Variants in DOCK2 observed in about 807,000 individuals in gnomAD.
DOCK2 encodes dedicator of cytokinesis 2, also known as dedicator of cytokinesis protein 2.
DOCK2 carries 87 observed loss-of-function variants against 248.9 expected under a neutral mutation model. The ratio of observed to expected loss-of-function variants is 0.35; its 90% CI spans 0.29 to 0.42. DOCK2 has a LOEUF of 0.42. DOCK2 is among the 10% of genes least tolerant of loss of function. The pLI is 1.00. For synonymous variants in DOCK2, 805 were observed against 821.6 expected (o/e 0.98, Z 0.35); for missense variants, 1,747 against 2,300.2 (o/e 0.76, Z 4.92).
chr5:169,698,340 G>T (rs754982651), intron 10 of DOCK2, 34 bp from the exon 11 acceptor site: 1 of 1,606,468 alleles, frequency 6.2e-7, no homozygotes, highest in South Asian at 1.1e-5. Flanking sequence ...ACAGGAAGAA[G>T]TTAAACCATT....
intron 27 of DOCK2, chr5:169,864,327 C>G: frequency 6.4e-7 from 1 of 1,551,636 alleles, no homozygotes; most frequent in Non-Finnish European, 8.7e-7. Context: ...GCCTTAAGTC[C>G]TGCTTTTCCG....
At chr5:170,058,957 C>T (rs1467971121) in intron 44 of DOCK2, among the ~76,000 whole-genome samples, 2 of 152,250 alleles carry the variant, frequency 1.3e-5, no homozygotes, top group East Asian at 3.9e-4. Flanking sequence ...TGAGTATGGG[C>T]TCAACTGTTC....
chr5:169,827,915 A>G (rs370379), intron 26 of DOCK2, among the ~76,000 whole-genome samples: 47,036 of 151,830 alleles, frequency 0.31, 9,730 homozygotes, highest in African/African-American at 0.6. Context: ...ACCGAGGCAC[A>G]CACTCTGTTG....
chr5:170,050,916 G>T (rs1176384228), intron 41 of DOCK2, among the ~76,000 whole-genome samples: 1 of 152,202 alleles, frequency 6.6e-6, no homozygotes, highest in African/African-American at 2.4e-5. Flanking sequence ...AGGGACTGGA[G>T]ATTTTCATTC....
intron 26 of DOCK2, among the ~76,000 whole-genome samples, chr5:169,817,394 A>G (rs1768130581): frequency 6.6e-6 from 1 of 152,226 alleles, no homozygotes; most frequent in South Asian, 2.1e-4. Flanking sequence ...ATGATTTGTC[A>G]GGTACCATGC....
At chr5:169,690,430 A>C (rs1760229681) in intron 9 of DOCK2, among the ~76,000 whole-genome samples, 2 of 152,186 alleles carry the variant, frequency 1.3e-5, no homozygotes, top group African/African-American at 4.8e-5. Context: ...TTTTGGTTAC[A>C]GCCCATTAAT....
At chr5:169,676,969 C>T (rs1007986308) in intron 6 of DOCK2, among the ~76,000 whole-genome samples, 1 of 152,174 alleles carries the variant, frequency 6.6e-6, no homozygotes, top group East Asian at 1.9e-4. Flanking sequence ...AAAGCACTTT[C>T]CATATATTAA....
chr5:170,036,617 G>T (rs535500080), intron 36 of DOCK2, 62 bp downstream of exon 36: 12 of 1,521,380 alleles, frequency 7.9e-6, no homozygotes, highest in Admixed American at 3.6e-5. Flanking sequence ...AGTATCCATC[G>T]ATGGCTCCCT....
chr5:170,011,060 G>T (rs1022881504), intron 32 of DOCK2, among the ~76,000 whole-genome samples: 13 of 152,134 alleles, frequency 8.5e-5, no homozygotes, highest in African/African-American at 3.1e-4. Context: ...AGATCATATT[G>T]TCCAGCATTT....
chr5:169,752,920 C>T (rs1473927912), intron 23 of DOCK2, among the ~76,000 whole-genome samples: 1 of 152,072 alleles, frequency 6.6e-6, no homozygotes, highest in African/African-American at 2.4e-5. Context: ...CAAAAATTAG[C>T]TGGGCGTGGT....
chr5:169,921,704 G>A (rs1775181358), intron 27 of DOCK2, among the ~76,000 whole-genome samples: 1 of 152,144 alleles, frequency 6.6e-6, no homozygotes, highest in Admixed American at 6.5e-5. Context: ...TTTGGAGATG[G>A]GATTGCATCC....
In DOCK2 at chr5:169,785,884, A is replaced by C. The variant is rs1363059562; in HGVS notation, c.2555-17174A>C. Among the ~76,000 whole-genome samples, 5 of 152,312 alleles carry C rather than the reference A, an allele frequency of 3.3e-5. No individual in the cohort carries two copies. The East Asian group carries it at 9.7e-4, about 29-fold the overall frequency. On this transcript the variant is annotated intron_variant, in intron 25 of 51. Transcript: ENST00000520908. Reference sequence around the variant, plus strand: ...CATTTAGAGGAATCTGGTGACAAAAAAAAGAAGGCGGAGTCAACTTCTGGT... The same window carrying C: ...CATTTAGAGGAATCTGGTGACAAAACAAAGAAGGCGGAGTCAACTTCTGGT...
intron 27 of DOCK2, among the ~76,000 whole-genome samples, chr5:169,946,187 A>G (rs1365746079): frequency 6.6e-6 from 1 of 152,234 alleles, no homozygotes; most frequent in Non-Finnish European, 1.5e-5. Flanking sequence ...TCAAGCTCCC[A>G]GTCACTTGAA....
chr5:169,670,532 T>G lies in DOCK2; in HGVS notation c.169-10T>G, dbSNP rs1758994027. ...TTTTATTTTGTTTTGTTTTGTTTTG[T>G]TTCCAACAGGGCATTTTTCCTAAGT... On this transcript the variant is annotated splice_polypyrimidine_tract_variant and intron_variant, in intron 3 of 51. Coordinates refer to ENST00000520908, the MANE Select transcript of DOCK2 (RefSeq NM_004946.3). 2 of 1,613,672 alleles carry G rather than the reference T, an allele frequency of 1.2e-6. No individual in the cohort carries two copies. The highest frequency in any genetic ancestry group is 4.5e-5 in the East Asian group (2 of 44,878).
intron 27 of DOCK2, among the ~76,000 whole-genome samples, chr5:169,895,513 C>A (rs1244060678): frequency 6.6e-6 from 1 of 152,118 alleles, no homozygotes; most frequent in Non-Finnish European, 1.5e-5. Flanking sequence ...AAGCAGCCAG[C>A]AGCCAGCATT....
intron 25 of DOCK2, among the ~76,000 whole-genome samples, chr5:169,775,696 A>C (rs1164034785): frequency 1.3e-5 from 2 of 152,124 alleles, no homozygotes; most frequent in African/African-American, 2.4e-5. Context: ...GACTATTGCC[A>C]GAATTCAGTG....
intron 22 of DOCK2, among the ~76,000 whole-genome samples, chr5:169,721,997 C>G (rs532055737): frequency 1.1e-3 from 166 of 152,246 alleles, no homozygotes; most frequent in African/African-American, 3.8e-3. Flanking sequence ...TAGCTTCTGC[C>G]ACAGGGAGGC....
intron 27 of DOCK2, among the ~76,000 whole-genome samples, chr5:169,885,666 T>C (rs564543091): frequency 6.6e-6 from 1 of 152,246 alleles, no homozygotes; most frequent in Non-Finnish European, 1.5e-5. Context: ...ACAACTCATA[T>C]TTACTGAGTA....
chr5:170,064,395 A>G (rs908138944), intron 44 of DOCK2, among the ~76,000 whole-genome samples: 2 of 152,028 alleles, frequency 1.3e-5, no homozygotes, highest in African/African-American at 4.8e-5. Context: ...CAAACCGAGA[A>G]TTCTAACAAA....
Sources: allele counts gnomAD v4.1 joint callset (sites outside exome capture counted in the v4.1 genomes callset), GRCh38; gene constraint gnomAD v4.1.1; transcripts MANE v1.5; gene names NCBI Gene and HGNC (gene_info 2026-07-23, HGNC 2026-07-21).